The following KRT13 variants were observed in gnomAD, a reference collection of about 807,000 sequenced individuals.
KRT13 encodes the protein keratin, type I cytoskeletal 13.
KRT13 carries 27 observed loss-of-function variants against 40.6 expected under a neutral mutation model. That is an observed-to-expected ratio of 0.67 (90% CI 0.49 to 0.92). KRT13 has a LOEUF of 0.92. Ranked by LOEUF, KRT13 falls within the 40% of genes least tolerant of loss-of-function variation. The pLI, the probability that KRT13 is intolerant of heterozygous loss-of-function variation, is 0.00. For synonymous variants in KRT13, 266 were observed against 240.3 expected (o/e 1.11, Z -0.99); for missense variants, 605 against 611.5 (o/e 0.99, Z 0.11).
chr17:41,502,014 C>CCCG (rs1339195993), intron 6 of KRT13: 1 of 1,419,310 alleles, frequency 7.0e-7, no homozygotes, highest in Non-Finnish European at 9.2e-7. Context: ...ATCGCCCAAA[C>CCCG]CCGCAACCCT....
chr17:41,503,736 CAGA>C lies in KRT13; in HGVS notation c.496-14_496-12del, dbSNP rs1410692935. Reference sequence around the variant, plus strand: ...GGTGGCGGTCAGGATCTACAAAATGCAGAAGAAGGTAACCTCTAGGGCATGGGT... The same window carrying C: ...GGTGGCGGTCAGGATCTACAAAATGCAGAAGGTAACCTCTAGGGCATGGGT... On this transcript the variant is annotated splice_polypyrimidine_tract_variant and intron_variant, in intron 1 of 7. Coordinates refer to ENST00000246635, the MANE Select transcript of KRT13 (RefSeq NM_153490.3). The C allele has an allele frequency of 3.1e-6, 5 of 1,612,118 alleles. No individual in the cohort carries two copies. The highest frequency in any genetic ancestry group is 1.3e-5 in the African/African-American group (1 of 74,888).
rs201545698 is a variant in KRT13, at chr17:41,502,919, G to A, written c.897+18C>T. On this transcript the variant is annotated intron_variant, in intron 4 of 7. Transcript: ENST00000246635. ...TGGCTATATGGGATGGGCTATGTGG[G>A]GTGGGAGGGCCGGGTACCTTGGTGT... 373 of 1,613,998 alleles carry A rather than the reference G, an allele frequency of 2.3e-4. 1 individual carries two copies. Among genetic ancestry groups the A allele is most frequent in the Non-Finnish European group, 5.0e-5 (59 of 1,179,992 alleles).
chr17:41,504,164 C>G (rs1008531299), intron 1 of KRT13: 2 of 240,880 alleles, frequency 8.3e-6, no homozygotes, highest in African/African-American at 4.6e-5. Context: ...CCAATCGTTT[C>G]TAACACTTTA....
Position 41,501,129 on chromosome 17 carries a change from G to T in KRT13, c.*127C>A, listed in dbSNP as rs1904831615. 1.5e-6 allele frequency: 1 copy of T among 689,324 alleles called. No individual in the cohort carries two copies. The highest frequency in any genetic ancestry group is 2.1e-5 in the Admixed American group (1 of 47,956). The allele number at this position is 689,324 out of a possible 1,614,324, so 42.7% of individuals were successfully genotyped here. A position where few individuals can be genotyped will look rare whatever the true frequency, so the allele number is the denominator to read the frequency against. ...GGGCCCACCATCAGGAGAGAGTCAG[G>T]ACAGGGGGTCCTGAGAGCAGAGGGA... is the stretch of plus-strand genomic sequence containing the variant. On this transcript the variant is annotated 3_prime_UTR_variant, in exon 8 of 8. Coordinates refer to ENST00000246635, the MANE Select transcript of KRT13 (RefSeq NM_153490.3).
At chr17:41,501,574 G>A (rs753304071) in intron 7 of KRT13, 145 bp downstream of exon 7, 61 of 1,396,382 alleles carry the variant, frequency 4.4e-5, no homozygotes, top group Non-Finnish European at 5.5e-5. Context: ...GTGAGCGAAT[G>A]ACCACTTCCA....
chr17:41,503,496 A>T, intron 2 of KRT13, 53 bp from the exon 3 acceptor site: 1 of 1,598,512 alleles, frequency 6.3e-7, no homozygotes, highest in Non-Finnish European at 8.6e-7. Flanking sequence ...CATAAATGAT[A>T]TGAGACATTC....
At position 41,501,225 on chromosome 17, in the gene KRT13, T is replaced by G. The variant is rs767234570; in HGVS notation, c.*31A>C. 1 of 1,467,680 alleles carries G rather than the reference T, an allele frequency of 6.8e-7. No homozygotes were observed. Among genetic ancestry groups the G allele is most frequent in the South Asian group, 1.2e-5 (1 of 82,148 alleles). 90.9% of individuals were successfully genotyped at this position (1,467,680 alleles called of 1,614,324 possible). ...GCCGGCTCTCTCCTCCTCTGGGTGCTGAAGACAGAGGGAGGGGACGCCAGG... is the reference window on the plus strand; with the variant it reads ...GCCGGCTCTCTCCTCCTCTGGGTGCGGAAGACAGAGGGAGGGGACGCCAGG... On this transcript the variant is annotated 3_prime_UTR_variant, in exon 8 of 8. Transcript: ENST00000246635.
chr17:41,503,653 A>T lies in KRT13; in HGVS notation c.568T>A (p.Phe190Ile), dbSNP rs1370700475. ...AAAAAAAAAACTCACTTGAGCCTGAAGTCGTCCGCAGCCAGCCTGGCATTG... is the reference window on the plus strand; with the variant it reads ...AAAAAAAAAACTCACTTGAGCCTGATGTCGTCCGCAGCCAGCCTGGCATTG... ...IDNARLAADD[F>I]RLKYENELAL... The change falls in exon 2 of 8, where the codon TTC becomes ATC. Residue 190 changes from phenylalanine (F) to isoleucine (I), a missense_variant. Transcript: ENST00000246635. The T allele has an allele frequency of 6.2e-7, 1 of 1,613,886 alleles. No homozygotes were observed. Among genetic ancestry groups the T allele is most frequent in the East Asian group, 2.2e-5 (1 of 44,856 alleles).
chr17:41,505,253 G>A lies in KRT13; in HGVS notation c.298C>T (p.Leu100Phe), dbSNP rs1455583196. The change falls in exon 1 of 8, where the codon CTC (leucine) becomes TTC (phenylalanine). Residue 100 changes from leucine (L) to phenylalanine (F), a missense_variant. Leu to Phe is a conservative substitution (Grantham distance 22). Coordinates refer to ENST00000246635, the MANE Select transcript of KRT13 (RefSeq NM_153490.3). ...VDFGACDGGL[L>F]TGNEKITMQN... ...ATGGTGATCTTCTCATTGCCAGTGA[G>A]GAGGCCGCCATCACAAGCACCAAAG... 8.1e-6 allele frequency: 13 copies of A among 1,614,150 alleles called. No individual in the cohort carries two copies. Among genetic ancestry groups the A allele is most frequent in the Non-Finnish European group, 1.1e-5 (13 of 1,180,034 alleles).
In KRT13 at chr17:41,502,798, G is replaced by T; in HGVS notation, c.912C>A (p.Asn304Lys). The change falls in exon 5 of 8, where the codon AAC (asparagine) becomes AAA (lysine). Residue 304 changes from asparagine to lysine, a missense_variant. Asn to Lys is a moderately conservative substitution (Grantham distance 94). Transcript: ENST00000246635. The part of the protein sequence containing the change: ...EWFHTKSAEL[N>K]KEVSTNTAMI... ...TGGCAGTGTTGGTAGACACCTCCTT[G>T]TTCAGCTCTGCACTCTGAAATGCAA... 6.2e-7 allele frequency: 1 copy of T among 1,614,162 alleles called. No individual in the cohort carries two copies. Among genetic ancestry groups the T allele is most frequent in the Non-Finnish European group, 8.5e-7 (1 of 1,180,024 alleles).
At chr17:41,502,070 G>C in intron 6 of KRT13, 1 of 985,394 alleles carries the variant, frequency 1.0e-6, no homozygotes, top group Non-Finnish European at 1.2e-6. Flanking sequence ...TTCTGCAAAG[G>C]GTCTAAAGGC....
rs775614888 is a variant in KRT13, at chr17:41,502,922, G to A, written c.897+15C>T. 1 of 1,614,078 alleles carries A rather than the reference G, an allele frequency of 6.2e-7. No individual in the cohort carries two copies. The highest frequency in any genetic ancestry group is 8.5e-7 in the Non-Finnish European group (1 of 1,179,968). ...CTATATGGGATGGGCTATGTGGGGT[G>A]GGAGGGCCGGGTACCTTGGTGTGGA... On this transcript the variant is annotated intron_variant, in intron 4 of 7. Coordinates refer to ENST00000246635, the MANE Select transcript of KRT13 (RefSeq NM_153490.3).
At position 41,502,267 on chromosome 17, in the gene KRT13, G is replaced by A; in HGVS notation, c.1244+107C>T. ...ATGTCCCCGTAAAGTCAGACAGTGA[G>A]GGGTCTCCTCTCTGACATGAGGGGG... On this transcript the variant is annotated intron_variant, in intron 6 of 7. Transcript: ENST00000246635. The A allele has an allele frequency of 6.8e-6, 11 of 1,608,566 alleles. 1 individual carries two copies. The highest frequency in any genetic ancestry group is 9.3e-6 in the Non-Finnish European group (11 of 1,177,998).
At position 41,502,413 on chromosome 17, in the gene KRT13, A is replaced by G; in HGVS notation, c.1205T>C (p.Ile402Thr). Residue 402 changes from isoleucine (I) to threonine (T), a missense_variant, in exon 6 of 8, where the codon ATC becomes ACC. Transcript: ENST00000246635. ...LDIKTRLEQE[I>T]ATYRSLLEGQ... ...CTCGAGCAGGCTGCGGTAGGTGGCG[A>G]TCTCCTGCTCCAGACGTGTCTTGAT... The G allele has an allele frequency of 6.2e-7, 1 of 1,614,116 alleles. No individual in the cohort carries two copies. The highest frequency in any genetic ancestry group is 8.5e-7 in the Non-Finnish European group (1 of 1,180,020).
Position 41,501,328 on chromosome 17 carries a change from C to A in KRT13, c.1305G>T (p.Thr435=). ...TGGTGGTAACAGAGGCACTAGAAGT[C>A]GTGGTAACAGAGGTGCTACGGGGGC... ...SVSPRSTSVT[T]TSSASVTTTS... Residue 435 remains threonine (T), a synonymous_variant, in exon 8 of 8, where the codon ACG becomes ACT. Coordinates refer to ENST00000246635, the MANE Select transcript of KRT13 (RefSeq NM_153490.3). The A allele has an allele frequency of 6.4e-7, 1 of 1,573,900 alleles. No homozygotes were observed. Among genetic ancestry groups the A allele is most frequent in the East Asian group, 2.3e-5 (1 of 43,532 alleles).
chr17:41,505,327 C>T lies in KRT13; in HGVS notation c.224G>A (p.Gly75Asp), dbSNP rs749334030. The part of the protein sequence containing the change: ...YGGGLGGGYG[G>D]GLGGGFGGGF... ...CCCACCAAAGCCACCTCCAAGGCCA[C>T]CTCCATAGCCACCTCCAAGGCCACC... The change falls in exon 1 of 8, where the codon GGT (glycine) becomes GAT (aspartate). Residue 75 changes from glycine to aspartate, a missense_variant. Gly to Asp is a moderately conservative substitution (Grantham distance 94). Coordinates refer to ENST00000246635, the MANE Select transcript of KRT13 (RefSeq NM_153490.3). The T allele has an allele frequency of 1.2e-6, 2 of 1,613,628 alleles. No individual in the cohort carries two copies. Among genetic ancestry groups the T allele is most frequent in the South Asian group, 1.1e-5 (1 of 91,066 alleles).
chr17:41,501,288 C>A lies in KRT13; in HGVS notation c.1345G>T (p.Gly449Cys). 6.4e-7 allele frequency: 1 copy of A among 1,574,248 alleles called. No individual in the cohort carries two copies. Among genetic ancestry groups the A allele is most frequent in the Admixed American group, 1.9e-5 (1 of 52,784 alleles). The change falls in exon 8 of 8, where the codon GGT (glycine) becomes TGT (cysteine). Residue 449 changes from glycine to cysteine, a missense_variant. Transcript: ENST00000246635. ...ASVTTTSNASGRRTSDVRRP is the reference protein window; with the variant it reads ...ASVTTTSNASCRRTSDVRRP ...CTACGGACATCAGAAGTGCGGCGAC[C>A]AGAGGCATTAGAGGTGGTGGTAACA...
rs1326699180 is a variant in KRT13 at position 41,501,568 on chromosome 17, G to A, written c.1270+151C>T. ...TCAGTTTCAAAAGGAAAATCAGTGA[G>A]CGAATGACCACTTCCACCCCAGCTC... On this transcript the variant is annotated intron_variant, in intron 7 of 7. Coordinates refer to ENST00000246635, the MANE Select transcript of KRT13 (RefSeq NM_153490.3). The A allele has an allele frequency of 8.8e-6, 12 of 1,363,508 alleles. No individual in the cohort carries two copies. In the South Asian group the frequency reaches 1.4e-4, roughly 16 times the overall value. The allele number at this position is 1,363,508 out of a possible 1,614,324, so 84.5% of individuals were successfully genotyped here.
In KRT13 at chr17:41,503,046, T is replaced by G. The variant is rs746606962; in HGVS notation, c.788A>C (p.Asp263Ala). ...QVVGQVNVEM[D>A]ATPGIDLTRV... ...GGTCAGGTCAATGCCTGGGGTGGCA[T>G]CCATCTCCACGTTGACCTGGCCGAC... The change falls in exon 4 of 8, where the codon GAT (aspartate) becomes GCT (alanine). Residue 263 changes from aspartate to alanine, a missense_variant. By Grantham distance (126) the Asp-to-Ala change is moderately radical. Coordinates refer to ENST00000246635, the MANE Select transcript of KRT13 (RefSeq NM_153490.3). 6.2e-7 allele frequency: 1 copy of G among 1,614,172 alleles called. No homozygotes were observed. Among genetic ancestry groups the G allele is most frequent in the East Asian group, 2.2e-5 (1 of 44,880 alleles).
Sources: allele counts gnomAD v4.1 joint callset, GRCh38; gene constraint gnomAD v4.1.1; transcripts MANE v1.5; gene names NCBI Gene and HGNC (gene_info 2026-07-23, HGNC 2026-07-21).